The following NFATC1 variants were observed in gnomAD, a reference collection of about 807,000 sequenced individuals.
NFATC1 encodes the protein nuclear factor of activated T cells 1.
Under a neutral mutation model 76.0 loss-of-function variants are expected in NFATC1, and 22 were observed. The observed-to-expected ratio is 0.29, with a 90% confidence interval of 0.21 to 0.41. The LOEUF (loss-of-function observed/expected upper bound fraction) is 0.41. Among genes scored for constraint, NFATC1 ranks in the 10% least tolerant of loss-of-function variants. NFATC1 has a pLI of 1.00. For synonymous variants in NFATC1, 704 were observed against 613.1 expected (o/e 1.15, Z -2.19); for missense variants, 1,357 against 1,337.7 (o/e 1.01, Z -0.23).
chr18:79,402,520 G>T (rs1219693837), intron 1 of NFATC1, among the ~76,000 whole-genome samples: 1 of 152,198 alleles, frequency 6.6e-6, no homozygotes, highest in Non-Finnish European at 1.5e-5. Context: ...CGGGAGCCCC[G>T]CAGAGCTGGG....
intron 1 of NFATC1, chr18:79,400,363 C>G (rs749991647): frequency 7.1e-7 from 1 of 1,399,074 alleles, no homozygotes; most frequent in South Asian, 1.4e-5. Context: ...GCGACCCCGG[C>G]TCCCGCCCCG....
chr18:79,524,048 G>T lies in NFATC1; in HGVS notation c.2783-3480G>T, dbSNP rs930763713. The T allele has an allele frequency of 6.6e-6, 1 of 152,230 alleles. No individual in the cohort carries two copies. The highest frequency in any genetic ancestry group is 1.5e-5 in the Non-Finnish European group (1 of 68,056). 9.4% of individuals were successfully genotyped at this position (152,230 alleles called of 1,614,324 possible). On this transcript the variant is annotated intron_variant, in intron 9 of 9. Coordinates refer to ENST00000427363, the MANE Select transcript of NFATC1 (RefSeq NM_001278669.2). This position sits in a 1 kb window ranked among gnomAD's most constrained non-coding sequence, Gnocchi z 7.2. ...GCAGAGAGAGCTGGTATGGGAAACC[G>T]TAGGTGTCATCGGCAACCATACCCT...
intron 2 of NFATC1, among the ~76,000 whole-genome samples, chr18:79,431,104 C>T (rs1217597158): frequency 2.6e-5 from 4 of 152,200 alleles, no homozygotes; most frequent in Admixed American, 6.5e-5. Context: ...AGTTGGGGTC[C>T]AGCAGGCACC....
chr18:79,454,852 ACCACACCCCTCTCCCAC>A (rs1228534265), intron 6 of NFATC1, among the ~76,000 whole-genome samples: 4 of 151,958 alleles, frequency 2.6e-5, no homozygotes, highest in African/African-American at 9.7e-5. Flanking sequence ...GGAAGTGGGA[ACCACACCCCTCTCCCAC>A]CCACACCCCT....
At position 79,527,571 on chromosome 18, in the gene NFATC1, C is replaced by A; in HGVS notation, c.2826C>A (p.His942Gln). 6.2e-7 allele frequency: 1 copy of A among 1,614,052 alleles called. No individual in the cohort carries two copies. Among genetic ancestry groups the A allele is most frequent in the Non-Finnish European group, 8.5e-7 (1 of 1,179,938 alleles). Residue 942 changes from histidine (H) to glutamine (Q), a missense_variant, in exon 10 of 10, where the codon CAC becomes CAA. This residue lies in a region of NFATC1 where 424 missense variants were observed against 395.4 expected (regional missense o/e 1.07). Transcript: ENST00000427363. The stretch of plus-strand genomic sequence containing the variant: ...ATGACCTCTCCAGCACGAGCACCCA[C>A]TCCTAGTTGCCACATTGGAGCACTC... ...IRNDLSSTSTHS is the reference protein window; with the variant it reads ...IRNDLSSTSTQS
chr18:79,483,670 C>T, intron 8 of NFATC1, among the ~76,000 whole-genome samples: 1 of 141,606 alleles, frequency 7.1e-6, no homozygotes, highest in African/African-American at 2.7e-5. Flanking sequence ...CCAGCGTGAC[C>T]TTGTCCTGGG....
At chr18:79,503,634 A>G (rs2090059334) in intron 9 of NFATC1, among the ~76,000 whole-genome samples, 1 of 152,148 alleles carries the variant, frequency 6.6e-6, no homozygotes, top group African/African-American at 2.4e-5. Context: ...GCAGATGGAC[A>G]CTGGATTCAA....
At chr18:79,518,931 T>C (rs984504867) in intron 9 of NFATC1, among the ~76,000 whole-genome samples, 1 of 152,236 alleles carries the variant, frequency 6.6e-6, no homozygotes, top group Admixed American at 6.5e-5. Flanking sequence ...CCGTGTGAGA[T>C]GCTGAAGAGT....
At chr18:79,471,158 G>A (rs781585912) in intron 8 of NFATC1, among the ~76,000 whole-genome samples, 11 of 152,190 alleles carry the variant, frequency 7.2e-5, no homozygotes, top group Non-Finnish European at 1.5e-4. Flanking sequence ...TTAATCTCCC[G>A]GAAGGCGCGT....
chr18:79,527,645 A>G lies in NFATC1; in HGVS notation c.*68A>G. ...TCAGCAGACAAAGACTTTTGAATAA[A>G]TAAACTGAACTCACACCTGGTACCA... is the stretch of plus-strand genomic sequence containing the variant. On this transcript the variant is annotated 3_prime_UTR_variant, in exon 10 of 10. Coordinates refer to ENST00000427363, the MANE Select transcript of NFATC1 (RefSeq NM_001278669.2). The G allele has an allele frequency of 1.4e-6, 2 of 1,430,962 alleles. No individual in the cohort carries two copies. Among genetic ancestry groups the G allele is most frequent in the East Asian group, 4.5e-5 (2 of 44,066 alleles). The allele number at this position is 1,430,962 out of a possible 1,614,324, so 88.6% of individuals were successfully genotyped here.
intron 8 of NFATC1, among the ~76,000 whole-genome samples, chr18:79,478,375 C>T (rs1025470879): frequency 6.6e-6 from 1 of 152,066 alleles, no homozygotes; most frequent in African/African-American, 2.4e-5. Context: ...AAGGGGACTA[C>T]GTTGGGAGGA....
chr18:79,412,632 A>C (rs960697552), intron 2 of NFATC1, among the ~76,000 whole-genome samples: 2 of 152,170 alleles, frequency 1.3e-5, no homozygotes, highest in African/African-American at 4.8e-5. Context: ...TGGCTGGAGC[A>C]CGCATGGACA....
intron 3 of NFATC1, among the ~76,000 whole-genome samples, chr18:79,441,837 T>C (rs3786189): frequency 0.24 from 37,071 of 151,896 alleles, 4,671 homozygotes; most frequent in African/African-American, 0.31. Context: ...GATGATTCTC[T>C]CTCCATAGAA....
At position 79,486,465 on chromosome 18, in the gene NFATC1, C is replaced by T. The variant is rs773999555; in HGVS notation, c.2310C>T (p.Asp770=). ...AAPGVSPKLH[D]LSPAAYTKGV... is the part of the protein sequence containing the mutation. ...CTGGCGTGAGCCCCAAGCTCCACGACCTTTCTCCCGCTGCCTACACCAAGG... is the reference window on the plus strand; with the variant it reads ...CTGGCGTGAGCCCCAAGCTCCACGATCTTTCTCCCGCTGCCTACACCAAGG... The change falls in exon 9 of 10, where the codon GAC becomes GAT. Residue 770 remains aspartate (D), a synonymous_variant. Coordinates refer to ENST00000427363, the MANE Select transcript of NFATC1 (RefSeq NM_001278669.2). 1.2e-6 allele frequency: 2 copies of T among 1,610,286 alleles called. No homozygotes were observed. Among genetic ancestry groups the T allele is most frequent in the South Asian group, 2.2e-5 (2 of 91,076 alleles).
At position 79,411,509 on chromosome 18, in the gene NFATC1, G is replaced by A. The variant is rs1363931134; in HGVS notation, c.1226+8G>A. 168 of 1,463,766 alleles carry A rather than the reference G, an allele frequency of 1.1e-4. 1 individual carries two copies. Among genetic ancestry groups the A allele is most frequent in the Non-Finnish European group, 1.4e-4 (152 of 1,109,734 alleles). 90.7% of individuals were successfully genotyped at this position (1,463,766 alleles called of 1,614,324 possible). On this transcript the variant is annotated splice_region_variant and intron_variant, in intron 2 of 9. Coordinates refer to ENST00000427363, the MANE Select transcript of NFATC1 (RefSeq NM_001278669.2). ...CCCTACGTCCTACATGAGGTGAGCC[G>A]GCAGCGCGGGGCGGGACGGGGAGGC...
intron 9 of NFATC1, among the ~76,000 whole-genome samples, chr18:79,494,068 C>T (rs1208266898): frequency 2.0e-5 from 3 of 152,210 alleles, no homozygotes; most frequent in Non-Finnish European, 2.9e-5. Flanking sequence ...CCAGAGGCCG[C>T]GTCCAAACCT....
chr18:79,431,892 A>C (rs1600694607), intron 2 of NFATC1, among the ~76,000 whole-genome samples: 1 of 152,050 alleles, frequency 6.6e-6, no homozygotes, highest in South Asian at 2.1e-4. Context: ...TAGTAGAGAC[A>C]GGGTTTCACC....
chr18:79,451,922 G>GAA (rs2087492470), intron 6 of NFATC1, 106 bp downstream of exon 6: 1 of 1,389,260 alleles, frequency 7.2e-7, no homozygotes, highest in Non-Finnish European at 9.7e-7. Flanking sequence ...ACCGGGACGG[G>GAA]GCTTATGGGG....
At chr18:79,408,511 G>A (rs2085519428) in intron 1 of NFATC1, among the ~76,000 whole-genome samples, 1 of 152,250 alleles carries the variant, frequency 6.6e-6, no homozygotes, top group Non-Finnish European at 1.5e-5. Context: ...GACTAGCTGT[G>A]TACCAGAATC....
Sources: allele counts gnomAD v4.1 joint callset (sites outside exome capture counted in the v4.1 genomes callset), GRCh38; gene constraint gnomAD v4.1.1; regional missense constraint gnomAD v4.1.1; non-coding constraint Gnocchi (gnomAD v3.1); transcripts MANE v1.5; gene names NCBI Gene and HGNC (gene_info 2026-07-23, HGNC 2026-07-21).